TACC2: variants seen among roughly 807,000 people sequenced by gnomAD.
TACC2 encodes transforming acidic coiled-coil containing protein 2.
A neutral mutation model predicts 227.3 loss-of-function variants in TACC2; 137 were observed. The observed-to-expected ratio is 0.60, with a 90% CI of 0.52 to 0.69. The LOEUF (loss-of-function observed/expected upper bound fraction) is 0.69. TACC2 is among the 30% of genes least tolerant of loss of function. TACC2 has a pLI of 0.00. For missense variants in TACC2, 3,470 were observed against 3,694.4 expected, an observed-to-expected ratio of 0.94 and a Z score of 1.57; for synonymous variants, 1,523 against 1,487.5, an observed-to-expected ratio of 1.02 and a Z score of -0.55.
rs751678488 is a variant in TACC2, at chr10:122,143,632, G to A, written c.5760G>A (p.Ser1920=). 1.2e-5 allele frequency: 20 copies of A among 1,613,920 alleles called. No individual in the cohort carries two copies. The highest frequency in any genetic ancestry group is 2.2e-5 in the East Asian group (1 of 44,888). Residue 1920 remains serine, a synonymous_variant, in exon 7 of 23, where the codon TCG becomes TCA. Coordinates refer to ENST00000369005, the MANE Select transcript of TACC2 (RefSeq NM_206862.4). ...LPPSAAEHIV[S]PSAPAGDRVE... The stretch of plus-strand genomic sequence containing the variant: ...CCTCGGCTGCAGAACACATAGTTTC[G>A]CCATCTGCCCCAGCTGGTGACAGAG...
chr10:122,241,050 G>C (rs1564814725), intron 18 of TACC2, among the ~76,000 whole-genome samples: 1 of 152,198 alleles, frequency 6.6e-6, no homozygotes, highest in Non-Finnish European at 1.5e-5. Context: ...AAGGCTTCTT[G>C]AAAGAGACAC....
intron 5 of TACC2, among the ~76,000 whole-genome samples, chr10:122,128,876 GTC>G (rs146242546): frequency 2.0e-4 from 30 of 149,972 alleles, no homozygotes; most frequent in Admixed American, 4.0e-4. Context: ...TGCTTGCGCT[GTC>G]TCTCTCTCTC....
At position 122,216,929 on chromosome 10, in the gene TACC2, C is replaced by T. The variant is rs1239912642; in HGVS notation, c.7546+101C>T. ...GAGAAACTTCTCAGCCAGGTAACCA[C>T]GTGATCATCATTGTGAGATCGTCTG... is the stretch of plus-strand genomic sequence containing the variant. On this transcript the variant is annotated intron_variant, in intron 11 of 22. Transcript: ENST00000369005. 1.4e-5 allele frequency: 23 copies of T among 1,598,152 alleles called. No individual in the cohort carries two copies. In the African/African-American group the frequency reaches 1.9e-4, roughly 13 times the overall value.
intron 2 of TACC2, among the ~76,000 whole-genome samples, chr10:122,035,601 C>T (rs1960047106): frequency 6.6e-6 from 1 of 152,028 alleles, no homozygotes; most frequent in South Asian, 2.1e-4. Flanking sequence ...TTTATTATTG[C>T]AGTAAAATAT....
chr10:122,033,005 C>CAACAA lies in TACC2; in HGVS notation c.33+10993_33+10994insCAAAA, dbSNP rs1343007428. The CAACAA allele has an allele frequency of 8.6e-6, 7 of 809,428 alleles. No homozygotes were observed. In the African/African-American group the frequency reaches 1.9e-4, roughly 22 times the overall value. The allele number at this position is 809,428 out of a possible 1,614,324, so 50.1% of individuals were successfully genotyped here. A position where few individuals can be genotyped will look rare whatever the true frequency, so the allele number is the denominator to read the frequency against. On this transcript the variant is annotated intron_variant, in intron 2 of 22. Coordinates refer to ENST00000369005, the MANE Select transcript of TACC2 (RefSeq NM_206862.4). ...ACAACAACAACAACAACAACAAAAA[C>CAACAA]AAAAAAACCCCACAAAAACACCAAA...
intron 3 of TACC2, among the ~76,000 whole-genome samples, chr10:122,066,100 C>CT (rs374095548): frequency 0.12 from 16,997 of 143,452 alleles, 1,061 homozygotes; most frequent in Middle Eastern, 0.18. Context: ...AAAATCTATA[C>CT]TTTTTTTTTT....
At chr10:122,035,781 C>T (rs1273795881) in intron 2 of TACC2, among the ~76,000 whole-genome samples, 1 of 151,998 alleles carries the variant, frequency 6.6e-6, no homozygotes, top group Non-Finnish European at 1.5e-5. Flanking sequence ...CCCTTGATAA[C>T]CTTTTCTTTC....
chr10:122,218,419 C>T (rs1422562449), intron 11 of TACC2, among the ~76,000 whole-genome samples: 2 of 151,630 alleles, frequency 1.3e-5, no homozygotes, highest in Non-Finnish European at 2.9e-5. Flanking sequence ...AATCGTAACT[C>T]AAAAACTCCC....
At chr10:122,046,947 G>A (rs1419519003) in intron 2 of TACC2, among the ~76,000 whole-genome samples, 1 of 152,016 alleles carries the variant, frequency 6.6e-6, no homozygotes, top group Non-Finnish European at 1.5e-5. Flanking sequence ...TGTTAATCTT[G>A]AGTTATTATA....
rs762718237 is a variant in TACC2 at position 122,211,697 on chromosome 10, G to T, written c.7272G>T (p.Thr2424=). Reference sequence around the variant, plus strand: ...ACAAGCCCGCCAAGAAGAAGAAGACGCCCCTAAAGACGTAAGTTCAGGGGT... The same window carrying T: ...ACAAGCCCGCCAAGAAGAAGAAGACTCCCCTAAAGACGTAAGTTCAGGGGT... ...GLNKPAKKKK[T]PLKTDTFRVK... is the part of the protein sequence containing the mutation. The change falls in exon 9 of 23, where the codon ACG becomes ACT. Residue 2424 remains threonine (T), a synonymous_variant. Coordinates refer to ENST00000369005, the MANE Select transcript of TACC2 (RefSeq NM_206862.4). 2 of 1,551,958 alleles carry T rather than the reference G, an allele frequency of 1.3e-6. No individual in the cohort carries two copies. The highest frequency in any genetic ancestry group is 1.7e-6 in the Non-Finnish European group (2 of 1,156,186).
chr10:122,013,444 C>T (rs781368554), intron 1 of TACC2, among the ~76,000 whole-genome samples: 24 of 152,156 alleles, frequency 1.6e-4, no homozygotes, highest in Non-Finnish European at 3.1e-4. Flanking sequence ...ATTAGTAGCT[C>T]CATGCTCAGC....
chr10:122,046,601 C>T lies in TACC2; in HGVS notation c.34-3837C>T, dbSNP rs559978788. Among the ~76,000 whole-genome samples, 16 of 152,238 alleles carry T rather than the reference C, an allele frequency of 1.1e-4. No individual in the cohort carries two copies. In the East Asian group the frequency reaches 2.3e-3, roughly 22 times the overall value. On this transcript the variant is annotated intron_variant, in intron 2 of 22. Coordinates refer to ENST00000369005, the MANE Select transcript of TACC2 (RefSeq NM_206862.4). ...GACAAATCCAAGCCCTTGTTATAGT[C>T]CATCTGCCTGAGGAAATATAGCCCG...
intron 2 of TACC2, among the ~76,000 whole-genome samples, chr10:122,030,009 G>T (rs749626207): frequency 5.9e-5 from 9 of 152,018 alleles, no homozygotes; most frequent in Non-Finnish European, 1.2e-4. Context: ...CAGAGATGGG[G>T]TGCCACTGGC....
chr10:122,249,919 C>T (rs1022854296), intron 22 of TACC2, among the ~76,000 whole-genome samples: 2 of 152,228 alleles, frequency 1.3e-5, no homozygotes, highest in African/African-American at 2.4e-5. Context: ...TTTCAACATT[C>T]GTTTATTTGT....
chr10:122,152,999 C>CTTTTTTTTTTTTTTTTT (rs150943859), intron 7 of TACC2, among the ~76,000 whole-genome samples: 1 of 135,024 alleles, frequency 7.4e-6, no homozygotes. Context: ...TTCTTTCTTT[C>CTTTTTTTTTTTTTTTTT]TTTTTTTTTT....
intron 18 of TACC2, 135 bp downstream of exon 18, chr10:122,238,172 T>A (rs770688253): frequency 6.3e-6 from 4 of 635,352 alleles, no homozygotes; most frequent in Non-Finnish European, 1.1e-5. Context: ...ACAGTTCATA[T>A]TTTTCTAAAA....
chr10:122,192,331 G>T (rs868184750), intron 7 of TACC2: 17 of 245,820 alleles, frequency 6.9e-5, no homozygotes, highest in African/African-American at 3.3e-4. Context: ...AGTTGCTGCA[G>T]CGGAGAACTC....
At chr10:122,185,186 CTT>C (rs761611487) in intron 7 of TACC2, among the ~76,000 whole-genome samples, 20 of 138,396 alleles carry the variant, frequency 1.4e-4, no homozygotes, top group Non-Finnish European at 1.7e-4. Flanking sequence ...TCTTTTCTTT[CTT>C]TTTTTTTTTT....
In TACC2 at chr10:122,104,058, T is replaced by C. The variant is rs371957693; in HGVS notation, c.5573+15467T>C. On this transcript the variant is annotated intron_variant, in intron 5 of 22. Transcript: ENST00000369005. Reference sequence around the variant, plus strand: ...ATTGTCTATGAAGGCAAGGATGTTGTCTTTTCACTGCTGTTTCTGCAGCTC... The same window carrying C: ...ATTGTCTATGAAGGCAAGGATGTTGCCTTTTCACTGCTGTTTCTGCAGCTC... Among the ~76,000 whole-genome samples the C allele has an allele frequency of 2.6e-5, 4 of 152,344 alleles. No individual in the cohort carries two copies. In the East Asian group the frequency reaches 5.8e-4, roughly 22 times the overall value.
Sources: gnomAD v4.1 joint callset for allele counts (sites outside exome capture counted in the v4.1 genomes callset) on GRCh38, gnomAD v4.1.1 for gene constraint, MANE v1.5 for transcripts, NCBI Gene and HGNC (gene_info 2026-07-23, HGNC 2026-07-21) for gene names.